WDR70: variants seen among roughly 807,000 people sequenced by gnomAD.
WDR70 encodes the protein WD repeat-containing protein 70.
Under a neutral mutation model 88.6 loss-of-function variants are expected in WDR70, and 53 were observed. That is an observed-to-expected ratio of 0.60 (90% CI 0.48 to 0.75). WDR70 has a LOEUF of 0.75. WDR70 is among the 30% of genes least tolerant of loss of function. The probability of loss-of-function intolerance (pLI) is 0.00; values close to 1 mark genes in which losing one functional copy is unlikely to be tolerated. For synonymous variants in WDR70, 280 were observed against 270.0 expected (o/e 1.04, Z -0.36); for missense variants, 610 against 823.2 (o/e 0.74, Z 3.17).
In WDR70 at chr5:37,442,099, G is replaced by A. The variant is rs190286144; in HGVS notation, c.553-1140G>A. Among the ~76,000 whole-genome samples, 33 of 145,150 alleles carry A rather than the reference G, an allele frequency of 2.3e-4. No individual in the cohort carries two copies. The East Asian group carries it at 6.3e-3, about 28-fold the overall frequency. On this transcript the variant is annotated intron_variant, in intron 6 of 17. Transcript: ENST00000265107. ...TGTTGCCCAGTTGGAGTGCAGAGCC[G>A]CAATCTCAGCTCATTGCAACCTCTG... is the stretch of plus-strand genomic sequence containing the variant.
At chr5:37,714,198 T>A (rs1448085965) in intron 13 of WDR70, among the ~76,000 whole-genome samples, 5 of 152,242 alleles carry the variant, frequency 3.3e-5, no homozygotes, top group Non-Finnish European at 5.9e-5. Flanking sequence ...ACATACTTAA[T>A]GATTTCCAAG....
At chr5:37,688,035 A>G in intron 10 of WDR70, 1 of 627,632 alleles carries the variant, frequency 1.6e-6, no homozygotes, top group Non-Finnish European at 2.9e-6. Context: ...GTTTACTGGT[A>G]TATATATGCA....
chr5:37,642,241 A>G (rs1205914631), intron 10 of WDR70, among the ~76,000 whole-genome samples: 2 of 151,922 alleles, frequency 1.3e-5, no homozygotes, highest in South Asian at 4.1e-4. Flanking sequence ...GCTCCCTTCT[A>G]TATTAACTCT....
chr5:37,619,197 A>G (rs917311969), intron 10 of WDR70, among the ~76,000 whole-genome samples: 6 of 151,878 alleles, frequency 4.0e-5, no homozygotes, highest in Admixed American at 2.6e-4. Flanking sequence ...AATTTGTGTT[A>G]TTCTAGCCAA....
chr5:37,452,139 G>A (rs979318223), intron 7 of WDR70, among the ~76,000 whole-genome samples: 5 of 152,040 alleles, frequency 3.3e-5, no homozygotes, highest in African/African-American at 1.2e-4. Context: ...GTTAATGATC[G>A]CTGCTTGTGT....
At chr5:37,655,005 AT>A (rs1745511082) in intron 10 of WDR70, among the ~76,000 whole-genome samples, 1 of 152,000 alleles carries the variant, frequency 6.6e-6, no homozygotes, top group Admixed American at 6.5e-5. Context: ...CTAGCTAGTT[AT>A]TTTGCCCGTT....
At chr5:37,637,700 C>A (rs561931368) in intron 10 of WDR70, among the ~76,000 whole-genome samples, 1 of 152,158 alleles carries the variant, frequency 6.6e-6, no homozygotes, top group Non-Finnish European at 1.5e-5. Context: ...AAGACAATCA[C>A]GTCTCCCGAT....
chr5:37,570,869 C>T (rs191757888), intron 9 of WDR70, among the ~76,000 whole-genome samples: 30 of 152,234 alleles, frequency 2.0e-4, no homozygotes, highest in Admixed American at 1.8e-3. Context: ...ATAGTCCCTC[C>T]TCTATGAAGC....
intron 13 of WDR70, among the ~76,000 whole-genome samples, chr5:37,709,603 A>G (rs1271650787): frequency 6.9e-6 from 1 of 144,600 alleles, no homozygotes; most frequent in Non-Finnish European, 1.5e-5. Context: ...TTTAGTGTAA[A>G]TTTGCCAGTA....
At chr5:37,634,581 G>A (rs983098178) in intron 10 of WDR70, among the ~76,000 whole-genome samples, 5 of 152,158 alleles carry the variant, frequency 3.3e-5, no homozygotes, top group African/African-American at 9.7e-5. Context: ...AAGACAGATT[G>A]GAGGAAATAA....
At chr5:37,523,463 A>G (rs1741160144) in intron 9 of WDR70, among the ~76,000 whole-genome samples, 1 of 152,212 alleles carries the variant, frequency 6.6e-6, no homozygotes, top group South Asian at 2.1e-4. Flanking sequence ...GGACATCCAC[A>G]CCAAAACCCC....
intron 13 of WDR70, among the ~76,000 whole-genome samples, chr5:37,705,780 AT>A (rs754763762): frequency 1.3e-5 from 2 of 152,194 alleles, no homozygotes; most frequent in Non-Finnish European, 2.9e-5. Context: ...TTGAGTTTTA[AT>A]TTGCATAAAA....
chr5:37,555,337 C>T (rs888722799), intron 9 of WDR70, among the ~76,000 whole-genome samples: 1 of 152,176 alleles, frequency 6.6e-6, no homozygotes, highest in Admixed American at 6.5e-5. Context: ...ACAACATTCT[C>T]ATAAACATTA....
At chr5:37,696,906 A>G (rs746829456) in intron 10 of WDR70, among the ~76,000 whole-genome samples, 1 of 152,222 alleles carries the variant, frequency 6.6e-6, no homozygotes, top group African/African-American at 2.4e-5. Context: ...TACTATTAAG[A>G]TAAATCAGTA....
intron 7 of WDR70, among the ~76,000 whole-genome samples, chr5:37,478,421 G>A (rs535340006): frequency 6.6e-6 from 1 of 152,276 alleles, no homozygotes; most frequent in East Asian, 1.9e-4. Context: ...ATTCTCATTT[G>A]AAGTCAAAAC....
At chr5:37,652,253 G>A (rs1411754099) in intron 10 of WDR70, among the ~76,000 whole-genome samples, 1 of 152,156 alleles carries the variant, frequency 6.6e-6, no homozygotes, top group Non-Finnish European at 1.5e-5. Flanking sequence ...GGTTGTAGAT[G>A]TGTGGCATTA....
chr5:37,384,426 T>C (rs1399996525), intron 3 of WDR70, among the ~76,000 whole-genome samples: 1 of 151,616 alleles, frequency 6.6e-6, no homozygotes, highest in Non-Finnish European at 1.5e-5. Flanking sequence ...CCCAGCACTT[T>C]GGGAGGGGCG....
intron 5 of WDR70, among the ~76,000 whole-genome samples, chr5:37,405,533 TG>T (rs1449390040): frequency 6.6e-6 from 1 of 152,032 alleles, no homozygotes; most frequent in Admixed American, 6.6e-5. Context: ...TACTTTTTTA[TG>T]TTTCCAGTTT....
intron 9 of WDR70, among the ~76,000 whole-genome samples, chr5:37,595,878 T>C (rs954292960): frequency 6.6e-6 from 1 of 152,186 alleles, no homozygotes; most frequent in African/African-American, 2.4e-5. Context: ...ATTTCACTTT[T>C]TATCCAAGCA....
Sources: allele counts gnomAD v4.1 joint callset (sites outside exome capture counted in the v4.1 genomes callset), GRCh38; gene constraint gnomAD v4.1.1; transcripts MANE v1.5; gene names NCBI Gene and HGNC (gene_info 2026-07-23, HGNC 2026-07-21).